Variants in LDLRAD4 observed in about 807,000 individuals in gnomAD.
LDLRAD4 encodes low density lipoprotein receptor class A domain containing 4.
A neutral mutation model predicts 17.0 loss-of-function variants in LDLRAD4; 5 were observed. The ratio of observed to expected loss-of-function variants is 0.29; its 90% CI spans 0.15 to 0.62. The LOEUF (loss-of-function observed/expected upper bound fraction) is 0.62. Among genes scored for constraint, LDLRAD4 ranks in the 20% least tolerant of loss-of-function variants. The probability of loss-of-function intolerance (pLI) is 0.84; values close to 1 mark genes in which losing one functional copy is unlikely to be tolerated. For missense variants in LDLRAD4, 340 were observed against 424.7 expected (o/e 0.80, Z 1.75); for synonymous variants, 168 against 171.8 (o/e 0.98, Z 0.17).
intron 1 of LDLRAD4, among the ~76,000 whole-genome samples, chr18:13,343,785 T>A (rs1170488262): frequency 6.6e-6 from 1 of 152,340 alleles, no homozygotes; most frequent in East Asian, 1.9e-4. Context: ...CTAACTGGTG[T>A]GAGATGGTAT....
intron 4 of LDLRAD4, among the ~76,000 whole-genome samples, chr18:13,640,701 T>C (rs1218274852): frequency 2.0e-5 from 3 of 152,150 alleles, no homozygotes; most frequent in Non-Finnish European, 4.4e-5. Flanking sequence ...GAAGGTGGTG[T>C]GGCGGGGAGG....
intron 3 of LDLRAD4, among the ~76,000 whole-genome samples, chr18:13,495,276 A>G (rs1207525674): frequency 6.6e-6 from 1 of 152,218 alleles, no homozygotes; most frequent in African/African-American, 2.4e-5. Flanking sequence ...TTCCAGGGCC[A>G]GCGAGGCGAA....
At chr18:13,336,209 A>T (rs1026115733) in intron 1 of LDLRAD4, among the ~76,000 whole-genome samples, 7 of 152,230 alleles carry the variant, frequency 4.6e-5, no homozygotes, top group African/African-American at 1.7e-4. Context: ...ACCCGAATCA[A>T]ATGTCAGCAT....
chr18:13,452,357 G>T (rs891349239), intron 3 of LDLRAD4, among the ~76,000 whole-genome samples: 5 of 152,138 alleles, frequency 3.3e-5, no homozygotes. Context: ...TGCAGACTGG[G>T]TGCCGTGGAG....
chr18:13,449,756 A>G (rs997811645), intron 3 of LDLRAD4, among the ~76,000 whole-genome samples: 12 of 152,184 alleles, frequency 7.9e-5, no homozygotes, highest in Non-Finnish European at 1.5e-4. Context: ...CTTGAGCTAC[A>G]CTTCAGGCCT....
intron 3 of LDLRAD4, among the ~76,000 whole-genome samples, chr18:13,606,219 G>A (rs1314349665): frequency 6.6e-6 from 1 of 152,154 alleles, no homozygotes; most frequent in Non-Finnish European, 1.5e-5. Flanking sequence ...TCTGGGGCTT[G>A]GAAGGGTAGC....
intron 4 of LDLRAD4, among the ~76,000 whole-genome samples, chr18:13,634,984 G>T (rs1410110117): frequency 1.3e-5 from 2 of 152,166 alleles, no homozygotes; most frequent in Admixed American, 6.5e-5. Flanking sequence ...AATGGGGAAA[G>T]GACAGCCTTT....
At chr18:13,594,414 G>A (rs910741326) in intron 3 of LDLRAD4, among the ~76,000 whole-genome samples, 12 of 152,124 alleles carry the variant, frequency 7.9e-5, no homozygotes, top group African/African-American at 2.7e-4. Context: ...TGAGGGGTCG[G>A]GTGTGGTAAC....
intron 4 of LDLRAD4, among the ~76,000 whole-genome samples, chr18:13,626,998 G>A (rs187464417): frequency 4.1e-4 from 63 of 152,342 alleles, no homozygotes; most frequent in African/African-American, 1.3e-3. Context: ...GGCTGGGTGC[G>A]GTGGCTCACG....
Position 13,578,825 on chromosome 18 carries a change from G to GTTTTTTTTTTTTT in LDLRAD4, c.182-42291_182-42290insTTTTTTTTTTTTT, listed in dbSNP as rs1286958694. On this transcript the variant is annotated intron_variant, in intron 3 of 5. Transcript: ENST00000359446. ...AGTGACCCATTTAAAAGTTGTCCGG[G>GTTTTTTTTTTTTT]TCTTTTTTTTTTTTTTTTTTTTTTT... Among the ~76,000 whole-genome samples the GTTTTTTTTTTTTT allele has an allele frequency of 6.0e-5, 3 of 49,882 alleles. 1 individual carries two copies. The highest frequency in any genetic ancestry group is 1.7e-4 in the African/African-American group (2 of 11,528). 32.7% of individuals were successfully genotyped at this position (49,882 alleles called of 152,430 possible).
intron 3 of LDLRAD4, among the ~76,000 whole-genome samples, chr18:13,590,690 G>A (rs918295657): frequency 1.3e-5 from 2 of 152,148 alleles, no homozygotes; most frequent in Non-Finnish European, 2.9e-5. Flanking sequence ...GAGACCCAAG[G>A]AGCTCCCTGC....
At chr18:13,313,952 A>G (rs530082168) in intron 1 of LDLRAD4, among the ~76,000 whole-genome samples, 2 of 152,324 alleles carry the variant, frequency 1.3e-5, no homozygotes, top group Admixed American at 6.5e-5. Flanking sequence ...AAGAGAGGGA[A>G]GTAGAAGAAA....
intron 3 of LDLRAD4, among the ~76,000 whole-genome samples, chr18:13,482,179 C>T (rs973663717): frequency 6.6e-6 from 1 of 152,130 alleles, no homozygotes; most frequent in African/African-American, 2.4e-5. Context: ...CAGAGAAGGG[C>T]AGTGCCTGGG....
chr18:13,280,575 G>A (rs181890366), intron 1 of LDLRAD4, among the ~76,000 whole-genome samples: 1 of 152,144 alleles, frequency 6.6e-6, no homozygotes, highest in Admixed American at 6.6e-5. Flanking sequence ...TGGAGCGTGT[G>A]GGGGAGTGCT....
chr18:13,309,713 G>A (rs939140837), intron 1 of LDLRAD4, among the ~76,000 whole-genome samples: 7 of 152,232 alleles, frequency 4.6e-5, no homozygotes, highest in Admixed American at 2.6e-4. Flanking sequence ...CCTGTGGCTC[G>A]GGAGGTGTGC....
intron 1 of LDLRAD4, chr18:13,362,506 T>C (rs2083744505): frequency 6.6e-6 from 1 of 152,258 alleles, no homozygotes; most frequent in Non-Finnish European, 1.5e-5. Flanking sequence ...AAAACCTCCG[T>C]GCCAGCAGGG....
At chr18:13,548,288 G>A (rs1412112974) in intron 3 of LDLRAD4, among the ~76,000 whole-genome samples, 1 of 115,962 alleles carries the variant, frequency 8.6e-6, no homozygotes, top group Non-Finnish European at 2.0e-5. Flanking sequence ...AGAAGGTGGG[G>A]TTAGTCACCA....
intron 3 of LDLRAD4, among the ~76,000 whole-genome samples, chr18:13,479,375 C>T (rs902955186): frequency 1.3e-5 from 2 of 152,212 alleles, no homozygotes; most frequent in Non-Finnish European, 2.9e-5. Flanking sequence ...AATCCCAGCA[C>T]TTTGGGAGGC....
At chr18:13,611,828 T>TCC (rs2039590179) in intron 3 of LDLRAD4, 1 of 985,316 alleles carries the variant, frequency 1.0e-6, no homozygotes, top group African/African-American at 1.7e-5. Flanking sequence ...CCTGCTGCGG[T>TCC]TAGGACCTCA....
Sources: gnomAD v4.1 joint callset for allele counts (sites outside exome capture counted in the v4.1 genomes callset) on GRCh38, gnomAD v4.1.1 for gene constraint, MANE v1.5 for transcripts, NCBI Gene and HGNC (gene_info 2026-07-23, HGNC 2026-07-21) for gene names.